ZNF461: variants seen among roughly 807,000 people sequenced by gnomAD.
ZNF461 encodes zinc finger protein 461.
In ZNF461, 16 loss-of-function variants were observed where a neutral mutation model predicts 18.3. The ratio of observed to expected loss-of-function variants is 0.88; its 90% confidence interval spans 0.59 to 1.33. The LOEUF (loss-of-function observed/expected upper bound fraction) is 1.33, where lower values mean the gene tolerates loss of function less well. Among genes scored for constraint, ZNF461 ranks in the 40% most tolerant of loss-of-function variants. The pLI is 0.00. For synonymous variants in ZNF461, 179 were observed against 216.9 expected (o/e 0.83, Z 1.54); for missense variants, 595 against 669.9 (o/e 0.89, Z 1.23).
chr19:36,665,594 A>G (rs1284740111), intron 1 of ZNF461, among the ~76,000 whole-genome samples: 1 of 151,600 alleles, frequency 6.6e-6, no homozygotes, highest in East Asian at 2.0e-4. Context: ...CTGTAATCCC[A>G]GCTACTCGTG....
intron 4 of ZNF461, among the ~76,000 whole-genome samples, chr19:36,653,354 T>C (rs2037661250): frequency 6.6e-6 from 1 of 152,218 alleles, no homozygotes; most frequent in African/African-American, 2.4e-5. Context: ...AAAGCCATTT[T>C]CCAAAGGACA....
intron 2 of ZNF461, 177 bp from the exon 3 acceptor site, chr19:36,658,602 T>C: frequency 2.0e-6 from 1 of 497,028 alleles, no homozygotes; most frequent in Non-Finnish European, 3.4e-6. Flanking sequence ...TGCCCATATG[T>C]TCTTAAACAA....
In ZNF461 at chr19:36,637,744, C is replaced by A; in HGVS notation, c.*909G>T. The stretch of plus-strand genomic sequence containing the variant: ...AATAATGAGAATGTGTAATAAATCA[C>A]ATATTATGAATAACCTACTTTTGTC... On this transcript the variant is annotated 3_prime_UTR_variant, in exon 6 of 6. Transcript: ENST00000588268. The A allele has an allele frequency of 2.6e-6, 1 of 377,802 alleles. No homozygotes were observed. The highest frequency in any genetic ancestry group is 3.8e-5 in the Admixed American group (1 of 26,384). 23.4% of individuals were successfully genotyped at this position (377,802 alleles called of 1,614,324 possible).
At chr19:36,641,142 T>C (rs1032804445) in intron 5 of ZNF461, among the ~76,000 whole-genome samples, 3 of 152,192 alleles carry the variant, frequency 2.0e-5, no homozygotes, top group Non-Finnish European at 4.4e-5. Flanking sequence ...TAAAAGTCAC[T>C]TCCTCAGAAT....
rs899610412 is a variant in ZNF461 at position 36,638,939 on chromosome 19, T to C, written c.1406A>G (p.His469Arg). The C allele has an allele frequency of 4.4e-6, 7 of 1,607,660 alleles. No homozygotes were observed. Among genetic ancestry groups the C allele is most frequent in the Non-Finnish European group, 6.0e-6 (7 of 1,175,158 alleles). The change falls in exon 6 of 6, where the codon CAT becomes CGT. Residue 469 changes from histidine to arginine, a missense_variant. His to Arg is a conservative substitution (Grantham distance 29). Transcript: ENST00000588268. ...HQRIHTGEKP[H>R]ECMICGKAFR... ...GGCCTTACCACATATCATGCATTCA[T>C]GAGGTTTCTCACCAGTATGAATTCT...
At chr19:36,664,861 C>T (rs2037877700) in intron 1 of ZNF461, 75 bp from the exon 2 acceptor site, 1 of 493,758 alleles carries the variant, frequency 2.0e-6, no homozygotes, top group Non-Finnish European at 3.6e-6. Context: ...TTCAGAATGA[C>T]ATTTTTCTTC....
chr19:36,660,187 T>C (rs1323653232), intron 2 of ZNF461, among the ~76,000 whole-genome samples: 1 of 150,354 alleles, frequency 6.7e-6, no homozygotes, highest in Non-Finnish European at 1.5e-5. Context: ...AATATCACTG[T>C]TGCCCAAGCT....
chr19:36,658,192 A>C (rs1600441727), intron 3 of ZNF461, 107 bp downstream of exon 3: 1 of 1,171,642 alleles, frequency 8.5e-7, no homozygotes, highest in East Asian at 2.6e-5. Flanking sequence ...GTTATTTGAA[A>C]GCTAGCCCTA....
intron 4 of ZNF461, among the ~76,000 whole-genome samples, chr19:36,644,080 G>A (rs1358234866): frequency 1.3e-5 from 2 of 151,496 alleles, no homozygotes; most frequent in East Asian, 1.9e-4. Context: ...TTACAGGCAC[G>A]TGCCACCATG....
chr19:36,648,095 C>T (rs556304706), intron 4 of ZNF461, among the ~76,000 whole-genome samples: 72 of 152,126 alleles, frequency 4.7e-4, no homozygotes, highest in African/African-American at 1.7e-3. Flanking sequence ...GCAGGAGAAT[C>T]GCTTGAAACC....
In ZNF461 at chr19:36,639,539, C is replaced by A. The variant is rs752805544; in HGVS notation, c.806G>T (p.Gly269Val). Residue 269 changes from glycine (G) to valine (V), a missense_variant, in exon 6 of 6, where the codon GGT becomes GTT. Transcript: ENST00000588268. ...TTCGTTACATTCATAGCGTTTTTCA[C>A]CATTATGAATTCTTAGATGTTTAAG... is the stretch of plus-strand genomic sequence containing the variant. ...SQLKHLRIHN[G>V]EKRYECNECG... 4 of 1,613,480 alleles carry A rather than the reference C, an allele frequency of 2.5e-6. No individual in the cohort carries two copies. The South Asian group carries it at 3.3e-5, about 13-fold the overall frequency.
In ZNF461 at chr19:36,652,632, A is replaced by G. The variant is rs183307066; in HGVS notation, c.232+3816T>C. Among the ~76,000 whole-genome samples the G allele has an allele frequency of 1.3e-3, 194 of 152,282 alleles. 2 individuals carry two copies. Among genetic ancestry groups the G allele is most frequent in the African/African-American group, 4.5e-3 (189 of 41,570 alleles). ...CATACACACACCAAAAACACAATTCATAAGAGAAAAGAAGATAAACTAGAC... is the reference window on the plus strand; with the variant it reads ...CATACACACACCAAAAACACAATTCGTAAGAGAAAAGAAGATAAACTAGAC... On this transcript the variant is annotated intron_variant, in intron 4 of 5. Transcript: ENST00000588268.
At chr19:36,658,604 C>G in intron 2 of ZNF461, 179 bp from the exon 3 acceptor site, 1 of 492,732 alleles carries the variant, frequency 2.0e-6, no homozygotes, top group Non-Finnish European at 3.5e-6. Context: ...CCCATATGTT[C>G]TTAAACAATT....
At chr19:36,647,549 A>AAAAT (rs2037549926) in intron 4 of ZNF461, among the ~76,000 whole-genome samples, 2 of 152,300 alleles carry the variant, frequency 1.3e-5, no homozygotes, top group South Asian at 2.1e-4. Context: ...AAAAAAGCAA[A>AAAAT]AAATAAATAA....
At chr19:36,654,805 C>T (rs547138462) in intron 4 of ZNF461, among the ~76,000 whole-genome samples, 2 of 152,238 alleles carry the variant, frequency 1.3e-5, no homozygotes, top group South Asian at 2.1e-4. Flanking sequence ...CCATCTCTAC[C>T]TCCTCAATAT....
Position 36,637,986 on chromosome 19 carries a change from T to C in ZNF461, c.*667A>G, listed in dbSNP as rs545483943. ...AAAATAAATGTAATGTCAAAATATA[T>C]ACGCCAGATACTCTTTAATCCCACT... On this transcript the variant is annotated 3_prime_UTR_variant, in exon 6 of 6. Coordinates refer to ENST00000588268, the MANE Select transcript of ZNF461 (RefSeq NM_153257.5). 8 of 270,762 alleles carry C rather than the reference T, an allele frequency of 3.0e-5. No homozygotes were observed. Among genetic ancestry groups the C allele is most frequent in the East Asian group, 1.1e-4 (1 of 9,392 alleles). 16.8% of individuals were successfully genotyped at this position (270,762 alleles called of 1,614,324 possible).
rs548041904 is a variant in ZNF461, at chr19:36,643,939, C to T, written c.233-77G>A. The T allele has an allele frequency of 2.4e-5, 29 of 1,199,908 alleles. No homozygotes were observed. The African/African-American group carries it at 4.4e-4, about 18-fold the overall frequency. 74.3% of individuals were successfully genotyped at this position (1,199,908 alleles called of 1,614,324 possible). Reference sequence around the variant, plus strand: ...TACAATAAAAAGAGAATATCTATTTCTTTTTCTTTTTAGACAGAGTTTCGC... The same window carrying T: ...TACAATAAAAAGAGAATATCTATTTTTTTTTCTTTTTAGACAGAGTTTCGC... On this transcript the variant is annotated intron_variant, in intron 4 of 5. Coordinates refer to ENST00000588268, the MANE Select transcript of ZNF461 (RefSeq NM_153257.5).
chr19:36,655,203 C>T (rs895823028), intron 4 of ZNF461, among the ~76,000 whole-genome samples: 1 of 152,058 alleles, frequency 6.6e-6, no homozygotes, highest in Non-Finnish European at 1.5e-5. Flanking sequence ...GCTATGTTGC[C>T]CAGACTGGTC....
chr19:36,653,412 A>T (rs906019956), intron 4 of ZNF461, among the ~76,000 whole-genome samples: 1 of 152,242 alleles, frequency 6.6e-6, no homozygotes, highest in African/African-American at 2.4e-5. Flanking sequence ...TTACATAATT[A>T]TACAGAGAAC....
Sources: gnomAD v4.1 joint callset for allele counts (sites outside exome capture counted in the v4.1 genomes callset) on GRCh38, gnomAD v4.1.1 for gene constraint, MANE v1.5 for transcripts, NCBI Gene and HGNC (gene_info 2026-07-23, HGNC 2026-07-21) for gene names.